ARHGEF6: variants seen among roughly 807,000 people sequenced by gnomAD.
The protein encoded by ARHGEF6 is Rac/Cdc42 guanine nucleotide exchange factor 6.
A neutral mutation model predicts 70.3 loss-of-function variants in ARHGEF6; 9 were observed. That is an observed-to-expected ratio of 0.13 (90% confidence interval 0.08 to 0.22). The LOEUF is 0.22. Among genes scored for constraint, ARHGEF6 ranks in the 10% least tolerant of loss-of-function variants. The pLI, the probability that ARHGEF6 is intolerant of heterozygous loss-of-function variation, is 1.00. For missense variants in ARHGEF6, 470 were observed against 563.0 expected, an observed-to-expected ratio of 0.83 and a Z score of 1.67; for synonymous variants, 201 against 207.8, an observed-to-expected ratio of 0.97 and a Z score of 0.28.
intron 2 of ARHGEF6, among the ~76,000 whole-genome samples, chrX:136,779,046 T>C (rs948313403): frequency 1.8e-5 from 2 of 111,836 alleles, no homozygotes; most frequent in Non-Finnish European, 3.8e-5. Context: ...GGAGTAACAA[T>C]GGCCTTTCCT....
rs2077441061 is a variant in ARHGEF6, at chrX:136,780,794, A to T, written c.89T>A (p.Phe30Tyr). ...CCCATTTTTCAGCGAGGACTTTAAA[A>T]ACTCCTCCGGATCACAGATGGTCTT... ...PKKTICDPEE[F>Y]LKSSLKNGVV... The change falls in exon 1 of 22, where the codon TTT becomes TAT. Residue 30 changes from phenylalanine (F) to tyrosine (Y), a missense_variant. By Grantham distance (22) the Phe-to-Tyr change is conservative. Around this residue, in one of 3 missense-constraint regions of ARHGEF6, gnomAD observed 379 missense variants for 449.3 expected, o/e 0.84. Transcript: ENST00000250617. The T allele has an allele frequency of 8.3e-7, 1 of 1,211,337 alleles. No individual in the cohort carries two copies.
At chrX:136,755,067 A>G (rs2148670526) in intron 2 of ARHGEF6, among the ~76,000 whole-genome samples, 1 of 112,596 alleles carries the variant, frequency 8.9e-6, no homozygotes, top group South Asian at 3.7e-4. Flanking sequence ...GTTCAGCCAC[A>G]TTAAGTATTC....
intron 6 of ARHGEF6, among the ~76,000 whole-genome samples, chrX:136,727,323 CTTTT>C (rs541833198): frequency 1.7e-4 from 13 of 75,657 alleles, no homozygotes; most frequent in African/African-American, 6.8e-4. Context: ...TTCTTTCTTT[CTTTT>C]TCTTTCTTTC....
chrX:136,699,930 A>G (rs1301680532), intron 9 of ARHGEF6, among the ~76,000 whole-genome samples: 1 of 111,154 alleles, frequency 9.0e-6, no homozygotes, highest in Non-Finnish European at 1.9e-5. Flanking sequence ...CTGTCTTCCA[A>G]GGGAAACTAT....
chrX:136,726,332 G>A (rs1040570038), intron 6 of ARHGEF6, among the ~76,000 whole-genome samples: 1 of 111,822 alleles, frequency 8.9e-6, no homozygotes, highest in African/African-American at 3.3e-5. Flanking sequence ...GAACTCCACA[G>A]GATCCTGTCA....
At chrX:136,694,927 A>G (rs1366754227) in intron 9 of ARHGEF6, among the ~76,000 whole-genome samples, 1 of 111,885 alleles carries the variant, frequency 8.9e-6, no homozygotes, top group Non-Finnish European at 1.9e-5. Flanking sequence ...GCTGCATGCA[A>G]TCATACAATT....
At chrX:136,712,232 C>A (rs2148621690) in intron 7 of ARHGEF6, among the ~76,000 whole-genome samples, 1 of 111,382 alleles carries the variant, frequency 9.0e-6, no homozygotes, top group East Asian at 2.8e-4. Context: ...CCTCAGCCTC[C>A]CAAGTAGTTG....
chrX:136,746,541 A>G (rs987010002), intron 3 of ARHGEF6, among the ~76,000 whole-genome samples: 1 of 111,614 alleles, frequency 9.0e-6, no homozygotes, highest in Non-Finnish European at 1.9e-5. Context: ...TCACGTGGGT[A>G]AGTTGAGTCT....
In ARHGEF6 at chrX:136,731,054, C is replaced by T. The variant is rs1462962382; in HGVS notation, c.732+1048G>A. Among the ~76,000 whole-genome samples, 7 of 111,814 alleles carry T rather than the reference C, an allele frequency of 6.3e-5. No individual in the cohort carries two copies. The Admixed American group carries it at 6.7e-4, about 11-fold the overall frequency. Reference sequence around the variant, plus strand: ...GGTCAGGAAGTAAGGGAGAAGGGAACCTACCTCTGCTGGGTAATATATTTT... The same window carrying T: ...GGTCAGGAAGTAAGGGAGAAGGGAATCTACCTCTGCTGGGTAATATATTTT... On this transcript the variant is annotated intron_variant, in intron 6 of 21. Transcript: ENST00000250617.
chrX:136,668,153 T>C lies in ARHGEF6; in HGVS notation c.2207A>G (p.Lys736Arg), dbSNP rs1044202181. 1.7e-6 allele frequency: 2 copies of C among 1,211,605 alleles called. No homozygotes were observed. Among genetic ancestry groups the C allele is most frequent in the Non-Finnish European group, 2.2e-6 (2 of 895,434 alleles). The change falls in exon 22 of 22, where the codon AAG becomes AGG. Residue 736 changes from lysine (K) to arginine (R), a missense_variant. Lys to Arg is a conservative substitution (Grantham distance 26). Around this residue, in one of 3 missense-constraint regions of ARHGEF6, gnomAD observed 88 missense variants for 95.5 expected, o/e 0.92. Transcript: ENST00000250617. ...TTTCAGTTCTTCTTCCAGGCATTGC[T>C]TCATTCTTTTATTTTCCTATGATGG... ...RELKQENKRM[K>R]QCLEEELKSR...
chrX:136,689,203 CTG>C (rs1168911273), intron 10 of ARHGEF6, among the ~76,000 whole-genome samples: 2 of 112,343 alleles, frequency 1.8e-5, no homozygotes, highest in African/African-American at 6.5e-5. Context: ...GCCAAATGCT[CTG>C]AAATCTGCAC....
chrX:136,747,683 G>GTAA, intron 2 of ARHGEF6, 91 bp from the exon 3 acceptor site: 1 of 179,025 alleles, frequency 5.6e-6, no homozygotes, highest in East Asian at 1.1e-4. Flanking sequence ...CCAGCTCTCC[G>GTAA]GAAAAAAAAA....
At chrX:136,758,295 CCCG>C (rs1360538627) in intron 2 of ARHGEF6, among the ~76,000 whole-genome samples, 2 of 109,356 alleles carry the variant, frequency 1.8e-5, no homozygotes, top group African/African-American at 6.6e-5. Context: ...TCGTGATCCG[CCCG>C]CCTCGGCCTC....
rs1313739241 is a variant in ARHGEF6, at chrX:136,687,956, T to C, written c.1221A>G (p.Ala407=). Reference sequence around the variant, plus strand: ...CCATGAGAGTTTTGAATGCTACGATTGCTTTCAGAATATCCTGATGATCTG... The same window carrying C: ...CCATGAGAGTTTTGAATGCTACGATCGCTTTCAGAATATCCTGATGATCTG... The part of the protein sequence containing the change: ...THPDHQDILK[A]IVAFKTLMGQ... Residue 407 remains alanine, a synonymous_variant, in exon 11 of 22, where the codon GCA becomes GCG. Coordinates refer to ENST00000250617, the MANE Select transcript of ARHGEF6 (RefSeq NM_004840.3). 8.3e-7 allele frequency: 1 copy of C among 1,208,127 alleles called. No individual in the cohort carries two copies. The highest frequency in any genetic ancestry group is 2.2e-5 in the Admixed American group (1 of 46,078).
chrX:136,711,234 C>T, intron 7 of ARHGEF6, among the ~76,000 whole-genome samples: 1 of 112,055 alleles, frequency 8.9e-6, no homozygotes, highest in East Asian at 2.8e-4. Flanking sequence ...CAGTCCCTCT[C>T]CTTCATTTAA....
intron 21 of ARHGEF6, among the ~76,000 whole-genome samples, chrX:136,668,949 C>G (rs1199498459): frequency 9.0e-6 from 1 of 111,470 alleles, no homozygotes; most frequent in African/African-American, 3.3e-5. Context: ...TTCCTCCTCC[C>G]CAGCCTCATT....
intron 5 of ARHGEF6, among the ~76,000 whole-genome samples, chrX:136,741,180 G>T (rs2077037863): frequency 9.0e-6 from 1 of 111,568 alleles, no homozygotes; most frequent in East Asian, 2.8e-4. Flanking sequence ...TCCTAACTCT[G>T]GTTGTCGGGG....
rs777097060 is a variant in ARHGEF6 at position 136,747,609 on chromosome X, T to C, written c.250-17A>G. On this transcript the variant is annotated splice_polypyrimidine_tract_variant and intron_variant, in intron 2 of 21. Transcript: ENST00000250617. ...ATCAAATATCTATGAGAAAGGAAAA[T>C]TGAAACCGTAAGACACTACAAGTAT... 6 of 1,118,378 alleles carry C rather than the reference T, an allele frequency of 5.4e-6. No homozygotes were observed. The highest frequency in any genetic ancestry group is 7.3e-6 in the Non-Finnish European group (6 of 821,962). 92.2% of individuals were successfully genotyped at this position (1,118,378 alleles called of 1,213,427 possible). A position where few individuals can be genotyped will look rare whatever the true frequency, so the allele number is the denominator to read the frequency against.
chrX:136,756,635 A>C (rs1282509833), intron 2 of ARHGEF6, among the ~76,000 whole-genome samples: 1 of 111,910 alleles, frequency 8.9e-6, no homozygotes, highest in Non-Finnish European at 1.9e-5. Flanking sequence ...AATTGGAAAG[A>C]CTACAATTCA....
Sources: allele counts gnomAD v4.1 joint callset (sites outside exome capture counted in the v4.1 genomes callset), GRCh38; gene constraint gnomAD v4.1.1; regional missense constraint gnomAD v4.1.1; transcripts MANE v1.5; gene names NCBI Gene and HGNC (gene_info 2026-07-23, HGNC 2026-07-21).